HHAT: variants seen among roughly 807,000 people sequenced by gnomAD.
HHAT encodes the protein protein-cysteine N-palmitoyltransferase HHAT.
In HHAT, 47 loss-of-function variants were observed where a neutral mutation model predicts 70.8. The observed-to-expected ratio is 0.66, with a 90% CI of 0.53 to 0.85. The LOEUF (loss-of-function observed/expected upper bound fraction) is 0.85, where lower values mean the gene tolerates loss of function less well. Ranked by LOEUF, HHAT falls within the 40% of genes least tolerant of loss-of-function variation. HHAT has a pLI of 0.00. For synonymous variants in HHAT, 228 were observed against 247.6 expected, an observed-to-expected ratio of 0.92 and a Z score of 0.74; for missense variants, 609 against 604.8, an observed-to-expected ratio of 1.01 and a Z score of -0.07.
At chr1:210,454,041 T>A (rs961050033) in intron 7 of HHAT, among the ~76,000 whole-genome samples, 78 of 152,294 alleles carry the variant, frequency 5.1e-4, no homozygotes, top group African/African-American at 1.9e-3. Context: ...AAACCCCTGT[T>A]AAACCCATCA....
chr1:210,614,079 TTA>T (rs1439685015), intron 10 of HHAT, among the ~76,000 whole-genome samples: 1 of 152,012 alleles, frequency 6.6e-6, no homozygotes, highest in Admixed American at 6.6e-5. Flanking sequence ...ATCTTTGTAT[TTA>T]TGTCTTCTTT....
intron 9 of HHAT, among the ~76,000 whole-genome samples, chr1:210,575,690 T>G (rs190459990): frequency 6.6e-6 from 1 of 152,322 alleles, no homozygotes; most frequent in East Asian, 1.9e-4. Context: ...GGTGCTTTGC[T>G]TTGCTTGTTT....
At chr1:210,476,891 A>G (rs2094314517) in intron 8 of HHAT, among the ~76,000 whole-genome samples, 1 of 152,214 alleles carries the variant, frequency 6.6e-6, no homozygotes, top group Non-Finnish European at 1.5e-5. Context: ...GTGTATGCAT[A>G]TTAACATTTG....
intron 9 of HHAT, among the ~76,000 whole-genome samples, chr1:210,581,368 C>T (rs940027158): frequency 1.3e-5 from 2 of 152,112 alleles, no homozygotes; most frequent in Admixed American, 1.3e-4. Context: ...GGGCCAAGGC[C>T]AAAGCTAGAG....
chr1:210,341,055 C>A (rs931754754), intron 1 of HHAT, among the ~76,000 whole-genome samples: 3 of 152,178 alleles, frequency 2.0e-5, no homozygotes. Flanking sequence ...TGTAAAGTGC[C>A]TTTTCAGCAT....
At chr1:210,468,207 C>T (rs750435549) in intron 8 of HHAT, among the ~76,000 whole-genome samples, 6 of 152,102 alleles carry the variant, frequency 3.9e-5, no homozygotes, top group Admixed American at 6.5e-5. Context: ...TTGGATTTCA[C>T]GTTTTAATTT....
chr1:210,605,603 T>C (rs12069347), intron 10 of HHAT, among the ~76,000 whole-genome samples: 44,094 of 152,120 alleles, frequency 0.29, 8,043 homozygotes, highest in East Asian at 0.68. Context: ...AGTAGCCTTA[T>C]AGGCGTGTAT....
At chr1:210,458,900 T>A (rs1174050526) in intron 7 of HHAT, among the ~76,000 whole-genome samples, 1 of 152,180 alleles carries the variant, frequency 6.6e-6, no homozygotes, top group Non-Finnish European at 1.5e-5. Context: ...TGGGTAGGTA[T>A]GTATGTCAAT....
chr1:210,541,929 G>A (rs556126637), intron 9 of HHAT, among the ~76,000 whole-genome samples: 20 of 152,258 alleles, frequency 1.3e-4, no homozygotes, highest in Non-Finnish European at 2.2e-4. Flanking sequence ...GAATGTTTCT[G>A]CACTGGCCAG....
intron 11 of HHAT, among the ~76,000 whole-genome samples, chr1:210,644,636 AGTC>A (rs1387147083): frequency 6.7e-6 from 1 of 148,696 alleles, no homozygotes; most frequent in Non-Finnish European, 1.5e-5. Flanking sequence ...AAGTAATAGT[AGTC>A]TTGGGAGAGT....
intron 7 of HHAT, among the ~76,000 whole-genome samples, chr1:210,447,441 G>A (rs1388554993): frequency 2.0e-5 from 3 of 152,170 alleles, no homozygotes; most frequent in African/African-American, 4.8e-5. Context: ...ATTTTGGTGC[G>A]CACTTGATTG....
At chr1:210,583,947 ATTTTTT>A (rs371722219) in intron 9 of HHAT, among the ~76,000 whole-genome samples, 28 of 88,994 alleles carry the variant, frequency 3.1e-4, no homozygotes, top group Non-Finnish European at 4.4e-4. Flanking sequence ...AGTGCAGCTA[ATTTTTT>A]TTTTTTTTTT....
chr1:210,570,883 C>T (rs1419015887), intron 9 of HHAT, among the ~76,000 whole-genome samples: 1 of 152,144 alleles, frequency 6.6e-6, no homozygotes, highest in Non-Finnish European at 1.5e-5. Flanking sequence ...TTGCCCTGAT[C>T]AGTCCAGCCC....
At chr1:210,610,842 C>T (rs753875134) in intron 10 of HHAT, among the ~76,000 whole-genome samples, 3 of 152,002 alleles carry the variant, frequency 2.0e-5, no homozygotes, top group African/African-American at 7.3e-5. Flanking sequence ...GGTCTCATTT[C>T]TGGGTTCTCT....
intron 2 of HHAT, among the ~76,000 whole-genome samples, chr1:210,349,986 T>G (rs533692254): frequency 6.6e-5 from 10 of 152,152 alleles, no homozygotes; most frequent in Non-Finnish European, 1.2e-4. Context: ...ATGCCTGGCT[T>G]TAAAACTACT....
chr1:210,449,974 G>A (rs1384755346), intron 7 of HHAT, among the ~76,000 whole-genome samples: 2 of 152,128 alleles, frequency 1.3e-5, no homozygotes, highest in African/African-American at 4.8e-5. Flanking sequence ...AAATATCAAA[G>A]TTAGCGATAC....
At chr1:210,477,841 G>A (rs1183759954) in intron 8 of HHAT, among the ~76,000 whole-genome samples, 3 of 152,162 alleles carry the variant, frequency 2.0e-5, no homozygotes, top group African/African-American at 7.2e-5. Flanking sequence ...AGGAGACTAA[G>A]GGAAATGGAC....
At chr1:210,553,108 C>T (rs753118722) in intron 9 of HHAT, among the ~76,000 whole-genome samples, 25 of 152,292 alleles carry the variant, frequency 1.6e-4, no homozygotes, top group Admixed American at 4.6e-4. Context: ...TCATTCCAAC[C>T]CAAGGGCCTT....
intron 3 of HHAT, among the ~76,000 whole-genome samples, chr1:210,371,815 C>A (rs1383034470): frequency 1.2e-4 from 19 of 152,112 alleles, no homozygotes; most frequent in African/African-American, 4.3e-4. Flanking sequence ...TATAAGAAGT[C>A]CCCAACCCCA....
Sources: gnomAD v4.1 joint callset for allele counts (sites outside exome capture counted in the v4.1 genomes callset) on GRCh38, gnomAD v4.1.1 for gene constraint, MANE v1.5 for transcripts, NCBI Gene and HGNC (gene_info 2026-07-23, HGNC 2026-07-21) for gene names.